The following NUDT16L1 variants were observed in gnomAD, a reference collection of about 807,000 sequenced individuals.
NUDT16L1 encodes the protein nudix hydrolase 16 like 1, also known as tudor-interacting repair regulator protein.
NUDT16L1 carries 19 observed loss-of-function variants against 17.3 expected under a neutral mutation model. That is an observed-to-expected ratio of 1.10 (90% CI 0.77 to 1.61). NUDT16L1 has a LOEUF of 1.61. Ranked by LOEUF, NUDT16L1 falls within the 40% of genes most tolerant of loss-of-function variation. The pLI is 0.00. For missense variants in NUDT16L1, 341 were observed against 292.0 expected, an observed-to-expected ratio of 1.17 and a Z score of -1.22; for synonymous variants, 255 against 138.6, an observed-to-expected ratio of 1.84 and a Z score of -5.90.
chr16:4,694,675 T>C (rs1026100920), intron 2 of NUDT16L1: 5 of 1,405,556 alleles, frequency 3.6e-6, no homozygotes, highest in South Asian at 1.6e-5. Flanking sequence ...TCAGGCTTCG[T>C]TGGGTGGACG....
Position 4,693,898 on chromosome 16 carries a change from G to A in NUDT16L1, c.153+19G>A, listed in dbSNP as rs1355994853. The A allele has an allele frequency of 6.7e-7, 1 of 1,481,986 alleles. No homozygotes were observed. Among genetic ancestry groups the A allele is most frequent in the Non-Finnish European group, 8.9e-7 (1 of 1,125,174 alleles). 91.8% of individuals were successfully genotyped at this position (1,481,986 alleles called of 1,614,324 possible). On this transcript the variant is annotated intron_variant, in intron 1 of 2. Transcript: ENST00000304301. ...GGTGCTGGTGAGGACGGGCGAGGGC[G>A]CGGGCGAGGGTGCCGGCGCGGGCGG...
exon 3 of NUDT16L1, chr16:4,695,639 A>G (rs978846132): frequency 8.2e-5 from 34 of 417,108 alleles, no homozygotes; most frequent in Non-Finnish European, 1.3e-4. Flanking sequence ...AGCTTGGGGT[A>G]GGAAGTTAAT....
At chr16:4,693,725 A>C (rs745413579) in exon 1 of NUDT16L1, 22 of 1,526,336 alleles carry the variant, frequency 1.4e-5, no homozygotes, top group Non-Finnish European at 1.8e-5. Context: ...GTCAGTGCCA[A>C]GATGTCGACG....
At chr16:4,694,028 C>G in exon 2 of NUDT16L1, 1 of 1,584,456 alleles carries the variant, frequency 6.3e-7, no homozygotes. Context: ...GCTTCGTGGA[C>G]CGGCGCTTCT....
At chr16:4,695,211 G>C (rs773889013) in exon 3 of NUDT16L1, 1 of 1,600,276 alleles carries the variant, frequency 6.2e-7, no homozygotes, top group Non-Finnish European at 8.5e-7. Flanking sequence ...CCCTCCCCTG[G>C]GCCGGAAGAC....
intron 2 of NUDT16L1, 78 bp downstream of exon 2, chr16:4,694,316 G>A: frequency 4.7e-6 from 7 of 1,487,676 alleles, no homozygotes; most frequent in East Asian, 5.1e-5. Flanking sequence ...TGGGTAACAC[G>A]TCTCCTGAGG....
In NUDT16L1 at chr16:4,693,740, C is replaced by T. The variant is rs201317933; in HGVS notation, c.14C>T (p.Ala5Val). 3.9e-3 allele frequency: 5,946 copies of T among 1,539,908 alleles called. 15 individuals are homozygous for T. The highest frequency in any genetic ancestry group is 5.0e-3 in the Admixed American group (256 of 50,824). Residue 5 changes from alanine (A) to valine (V), a missense_variant, in exon 1 of 3, where the codon GCG becomes GTG. Ala to Val is a moderately conservative substitution (Grantham distance 64). Coordinates refer to ENST00000304301, the Ensembl canonical transcript of NUDT16L1. ...GTCAGTGCCAAGATGTCGACGGCGG[C>T]GGTTCCGGAGCTGAAGCAGATCAGC...
intron 2 of NUDT16L1, chr16:4,694,512 G>C: frequency 6.7e-7 from 1 of 1,503,674 alleles, no homozygotes; most frequent in Non-Finnish European, 8.8e-7. Flanking sequence ...AGTGGGATCG[G>C]TGGGGAGGAA....
At chr16:4,694,373 G>GT in intron 2 of NUDT16L1, 135 bp downstream of exon 2, 1 of 1,483,672 alleles carries the variant, frequency 6.7e-7, no homozygotes, top group Non-Finnish European at 8.9e-7. Context: ...CAGCAATGGG[G>GT]TGGGGAGAGG....
At chr16:4,693,931 C>A in intron 1 of NUDT16L1, 47 bp from the exon 2 acceptor site, 1 of 1,501,652 alleles carries the variant, frequency 6.7e-7, no homozygotes. Flanking sequence ...CGGGCCCGGG[C>A]GGGGGCGTCC....
chr16:4,693,733 A>G (rs1317431137), exon 1 of NUDT16L1: 10 of 1,534,568 alleles, frequency 6.5e-6, no homozygotes, highest in Middle Eastern at 1.8e-4. Flanking sequence ...CAAGATGTCG[A>G]CGGCGGCGGT....
chr16:4,694,074 C>T, exon 2 of NUDT16L1: 1 of 1,589,940 alleles, frequency 6.3e-7, no homozygotes. Context: ...GGTGCTGGGC[C>T]TGGGCCTGGG....
At chr16:4,695,806 CT>C in exon 3 of NUDT16L1, 1 of 387,608 alleles carries the variant, frequency 2.6e-6, no homozygotes. Flanking sequence ...TACAACGAAG[CT>C]GTCGAAGGAG....
intron 2 of NUDT16L1, 126 bp from the exon 3 acceptor site, chr16:4,694,832 G>T (rs2079503760): frequency 6.9e-7 from 1 of 1,458,676 alleles, no homozygotes; most frequent in Non-Finnish European, 9.0e-7. Flanking sequence ...CCCTGCGTGG[G>T]TCTCCCATTA....
chr16:4,694,189 T>C, exon 2 of NUDT16L1: 1 of 1,569,854 alleles, frequency 6.4e-7, no homozygotes, highest in Non-Finnish European at 8.6e-7. Context: ...CTGGAGCAGC[T>C]GCACGCCGTG....
chr16:4,694,153 C>A, exon 2 of NUDT16L1: 1 of 1,585,984 alleles, frequency 6.3e-7, no homozygotes, highest in Non-Finnish European at 8.5e-7. Flanking sequence ...CGCGTCGTGG[C>A]GCACCTGTAC....
chr16:4,694,351 T>G, intron 2 of NUDT16L1, 113 bp downstream of exon 2: 1 of 1,408,792 alleles, frequency 7.1e-7, no homozygotes, highest in Non-Finnish European at 9.3e-7. Context: ...CTGGGTCGGG[T>G]GTCGCTGTCT....
chr16:4,694,554 A>G (rs770343685), intron 2 of NUDT16L1: 4 of 1,451,098 alleles, frequency 2.8e-6, no homozygotes, highest in Non-Finnish European at 3.6e-6. Flanking sequence ...TTGCTTGGGG[A>G]GTTGGGAAAC....
exon 2 of NUDT16L1, chr16:4,694,085 C>T (rs747191185): frequency 2.5e-6 from 4 of 1,591,092 alleles, no homozygotes; most frequent in Admixed American, 1.7e-5. Context: ...TGGGCCTGGG[C>T]TGCCTGCGCC....
Sources: gnomAD v4.1 joint callset for allele counts on GRCh38, gnomAD v4.1.1 for gene constraint, MANE v1.5 for transcripts, NCBI Gene and HGNC (gene_info 2026-07-23, HGNC 2026-07-21) for gene names.